SUGCT: variants seen among roughly 807,000 people sequenced by gnomAD.
SUGCT encodes the protein succinyl-CoA:glutarate CoA-transferase.
Under a neutral mutation model 55.0 loss-of-function variants are expected in SUGCT, and 41 were observed. The observed-to-expected ratio is 0.74, with a 90% confidence interval of 0.58 to 0.97. SUGCT has a LOEUF of 0.97. SUGCT is among the 50% of genes least tolerant of loss of function. The pLI, the probability that SUGCT is intolerant of heterozygous loss-of-function variation, is 0.00. For missense variants in SUGCT, 568 were observed against 547.8 expected (o/e 1.04, Z -0.37); for synonymous variants, 187 against 200.4 (o/e 0.93, Z 0.56).
Position 40,135,019 on chromosome 7 carries a change from C to G in SUGCT, c.-2C>G. 1 of 1,559,628 alleles carries G rather than the reference C, an allele frequency of 6.4e-7. No homozygotes were observed. The highest frequency in any genetic ancestry group is 8.7e-7 in the Non-Finnish European group (1 of 1,153,612). ...GGACCGATGCCATCTGAGACGCACG[C>G]GATGCTGGCGACGCTGGCGAGGGTG... On this transcript the variant is annotated 5_prime_UTR_variant, in exon 1 of 14. Transcript: ENST00000335693.
chr7:40,301,316 T>C (rs1030193229), intron 8 of SUGCT, among the ~76,000 whole-genome samples: 17 of 152,226 alleles, frequency 1.1e-4, no homozygotes, highest in African/African-American at 4.1e-4. Flanking sequence ...ACAGCATTAA[T>C]ATAGGAGAAT....
chr7:40,300,234 G>C (rs1794452689), intron 8 of SUGCT, among the ~76,000 whole-genome samples: 1 of 152,140 alleles, frequency 6.6e-6, no homozygotes, highest in African/African-American at 2.4e-5. Flanking sequence ...GAGGAGGTTA[G>C]TGCTATTTTG....
chr7:40,932,717 GTC>G, the SUGCT span, among the ~76,000 whole-genome samples: 4 of 149,576 alleles, frequency 2.7e-5, no homozygotes, highest in African/African-American at 9.8e-5. Context: ...TTGGTTTCAA[GTC>G]TGCTTTATCA....
At chr7:40,950,091 T>A in the SUGCT span, among the ~76,000 whole-genome samples, 10 of 152,372 alleles carry the variant, frequency 6.6e-5, no homozygotes, top group African/African-American at 1.9e-4. Flanking sequence ...TCCGTGAGCA[T>A]GGGATGTTCT....
chr7:40,790,230 A>G (rs1790241518), intron 13 of SUGCT, among the ~76,000 whole-genome samples: 1 of 152,122 alleles, frequency 6.6e-6, no homozygotes, highest in African/African-American at 2.4e-5. Flanking sequence ...CATGCTAGTG[A>G]GTGAGTTCTC....
chr7:40,806,872 G>A (rs1791125041), intron 13 of SUGCT, among the ~76,000 whole-genome samples: 1 of 152,190 alleles, frequency 6.6e-6, no homozygotes, highest in African/African-American at 2.4e-5. Flanking sequence ...CTGTATCTCA[G>A]AGGATGCAGC....
chr7:40,961,233 A>T, the SUGCT span, among the ~76,000 whole-genome samples: 1 of 152,202 alleles, frequency 6.6e-6, no homozygotes, highest in Non-Finnish European at 1.5e-5. Flanking sequence ...TGTCCTTTAA[A>T]GGCTGGGCTG....
chr7:40,898,623 C>G, the SUGCT span, among the ~76,000 whole-genome samples: 2 of 151,724 alleles, frequency 1.3e-5, no homozygotes, highest in South Asian at 4.2e-4. Flanking sequence ...ACGGGGGAAG[C>G]TGAGGTAGGA....
chr7:40,797,320 G>T (rs1353875457), intron 13 of SUGCT, among the ~76,000 whole-genome samples: 2 of 151,598 alleles, frequency 1.3e-5, no homozygotes, highest in African/African-American at 4.9e-5. Flanking sequence ...TTATAAAACT[G>T]TTTTTTTTAA....
chr7:40,307,742 A>G (rs2151090810), intron 8 of SUGCT, among the ~76,000 whole-genome samples: 1 of 152,314 alleles, frequency 6.6e-6, no homozygotes, highest in South Asian at 2.1e-4. Context: ...TTCTCCTTTT[A>G]ACATGGCATG....
chr7:40,168,002 A>G (rs550242247), intron 1 of SUGCT, among the ~76,000 whole-genome samples: 14 of 152,136 alleles, frequency 9.2e-5, no homozygotes, highest in Non-Finnish European at 1.3e-4. Flanking sequence ...TATCCCAATC[A>G]TTGTCCCTTC....
the SUGCT span, among the ~76,000 whole-genome samples, chr7:41,015,647 C>G: frequency 1.3e-5 from 2 of 152,124 alleles, no homozygotes; most frequent in African/African-American, 4.8e-5. Context: ...GGGCATCAGG[C>G]TATTTGTAGT....
intron 13 of SUGCT, among the ~76,000 whole-genome samples, chr7:40,778,177 C>T (rs1251094134): frequency 2.6e-5 from 4 of 152,218 alleles, no homozygotes; most frequent in Non-Finnish European, 5.9e-5. Flanking sequence ...TTGTTTTACT[C>T]AGCTGTGGCC....
intron 12 of SUGCT, among the ~76,000 whole-genome samples, chr7:40,668,627 T>G (rs1801771583): frequency 6.6e-6 from 1 of 152,148 alleles, no homozygotes; most frequent in Admixed American, 6.5e-5. Context: ...AAAGACAGAC[T>G]GGTTAGACAT....
At chr7:40,201,667 G>A (rs1584327949) in intron 6 of SUGCT, among the ~76,000 whole-genome samples, 2 of 152,140 alleles carry the variant, frequency 1.3e-5, no homozygotes, top group South Asian at 2.1e-4. Context: ...TATAAATATA[G>A]GGTTTCAAAA....
the SUGCT span, among the ~76,000 whole-genome samples, chr7:40,992,197 C>T: frequency 6.6e-5 from 10 of 152,062 alleles, no homozygotes; most frequent in African/African-American, 1.7e-4. Flanking sequence ...TTTCCAGAAC[C>T]GAGGGTTCCT....
intron 9 of SUGCT, among the ~76,000 whole-genome samples, chr7:40,426,850 G>A (rs1161307900): frequency 6.6e-6 from 1 of 151,968 alleles, no homozygotes; most frequent in Non-Finnish European, 1.5e-5. Context: ...GTCTTGCTCT[G>A]TCACCCAAGT....
At chr7:40,906,289 T>G in the SUGCT span, among the ~76,000 whole-genome samples, 1 of 152,298 alleles carries the variant, frequency 6.6e-6, no homozygotes, top group South Asian at 2.1e-4. Context: ...ACTCTGAAAC[T>G]TTCTTTCCAC....
At chr7:40,517,820 C>T (rs1052145478) in intron 12 of SUGCT, among the ~76,000 whole-genome samples, 5 of 152,150 alleles carry the variant, frequency 3.3e-5, no homozygotes, top group African/African-American at 1.2e-4. Context: ...TGCTGTCATT[C>T]TGGAAGTTGC....
Sources: allele counts gnomAD v4.1 joint callset (sites outside exome capture counted in the v4.1 genomes callset), GRCh38; gene constraint gnomAD v4.1.1; transcripts MANE v1.5; gene names NCBI Gene and HGNC (gene_info 2026-07-23, HGNC 2026-07-21).